The following GBP7 variants were observed in gnomAD, a reference collection of about 807,000 sequenced individuals.
GBP7 encodes guanylate-binding protein 7.
GBP7 carries 43 observed loss-of-function variants against 61.3 expected under a neutral mutation model. The observed-to-expected ratio is 0.70, with a 90% CI of 0.55 to 0.91. The LOEUF (loss-of-function observed/expected upper bound fraction) is 0.91, where lower values mean the gene tolerates loss of function less well. Ranked by LOEUF, GBP7 falls within the 40% of genes least tolerant of loss-of-function variation. The pLI is 0.00. For synonymous variants in GBP7, 267 were observed against 271.0 expected, an observed-to-expected ratio of 0.99 and a Z score of 0.14; for missense variants, 717 against 740.5, an observed-to-expected ratio of 0.97 and a Z score of 0.37.
intron 5 of GBP7, 72 bp downstream of exon 5, chr1:89,152,196 G>A (rs1682216855): frequency 3.0e-6 from 4 of 1,337,680 alleles, no homozygotes; most frequent in Non-Finnish European, 1.0e-6. Flanking sequence ...TTTGTGTCAG[G>A]TGTTGAACGG....
intron 3 of GBP7, among the ~76,000 whole-genome samples, chr1:89,156,364 A>G (rs1281137384): frequency 6.6e-6 from 1 of 152,204 alleles, no homozygotes; most frequent in East Asian, 1.9e-4. Flanking sequence ...TATTAACCTT[A>G]AATGTAAATG....
Position 89,137,626 on chromosome 1 carries a change from A to G in GBP7, c.1468+3920T>C, listed in dbSNP as rs1322381329. On this transcript the variant is annotated intron_variant, in intron 9 of 10. Transcript: ENST00000294671. ...TATTTCATGTTAAAATATCTCAACAAACTGGGCCTCAAAGGAACATACCTC... is the reference window on the plus strand; with the variant it reads ...TATTTCATGTTAAAATATCTCAACAGACTGGGCCTCAAAGGAACATACCTC... Among the ~76,000 whole-genome samples, 4 of 152,124 alleles carry G rather than the reference A, an allele frequency of 2.6e-5. No individual in the cohort carries two copies. The East Asian group carries it at 7.7e-4, about 29-fold the overall frequency.
Position 89,149,480 on chromosome 1 carries a change from C to G in GBP7, c.964G>C (p.Glu322Gln), listed in dbSNP as rs566187440. 23 of 1,614,190 alleles carry G rather than the reference C, an allele frequency of 1.4e-5. No individual in the cohort carries two copies. The highest frequency in any genetic ancestry group is 1.7e-4 in the Middle Eastern group (1 of 6,060). The change falls in exon 7 of 11, where the codon GAG becomes CAG. Residue 322 changes from glutamate to glutamine, a missense_variant. Glu to Gln is a conservative substitution (Grantham distance 29, BLOSUM62 2). Transcript: ENST00000294671. ...GCCCTCTGCACGGCTGCTGAGTTCT[C>G]ACACTGGGCCAGAACTGCCATTGCA... Reference protein sequence around the residue: ...ENAMAVLAQCENSAAVQRAAN... With the variant: ...ENAMAVLAQCQNSAAVQRAAN...
chr1:89,164,903 A>G (rs770787466), intron 2 of GBP7, 45 bp from the exon 3 acceptor site: 2 of 1,603,622 alleles, frequency 1.2e-6, no homozygotes, highest in Non-Finnish European at 1.7e-6. Flanking sequence ...AGCAGAATCC[A>G]GGCAGACAAG....
chr1:89,133,125 T>C, intron 10 of GBP7, 133 bp downstream of exon 10: 2 of 686,878 alleles, frequency 2.9e-6, no homozygotes, highest in South Asian at 1.8e-5. Flanking sequence ...AATTCATATG[T>C]ATTTGAAATT....
intron 3 of GBP7, among the ~76,000 whole-genome samples, chr1:89,159,197 A>C (rs1682379777): frequency 6.6e-6 from 1 of 152,190 alleles, no homozygotes; most frequent in African/African-American, 2.4e-5. Flanking sequence ...CTTACACCTT[A>C]TAAAAAAATT....
At chr1:89,147,433 T>C (rs193081286) in intron 8 of GBP7, 134 bp downstream of exon 8, 1 of 691,958 alleles carries the variant, frequency 1.4e-6, no homozygotes, top group East Asian at 2.5e-5. Flanking sequence ...GATTTTAAGA[T>C]TTAAAATATC....
At chr1:89,136,473 A>G (rs1681804702) in intron 9 of GBP7, among the ~76,000 whole-genome samples, 1 of 152,188 alleles carries the variant, frequency 6.6e-6, no homozygotes, top group African/African-American at 2.4e-5. Flanking sequence ...GTCAGACCAC[A>G]ATGCTGTAAA....
At chr1:89,169,234 C>T (rs1647532442) in intron 2 of GBP7, among the ~76,000 whole-genome samples, 1 of 152,072 alleles carries the variant, frequency 6.6e-6, no homozygotes, top group Admixed American at 6.6e-5. Context: ...ACCCTGTGAC[C>T]TTTGCTTGTG....
chr1:89,152,907 A>G, intron 3 of GBP7, 130 bp from the exon 4 acceptor site: 1 of 566,046 alleles, frequency 1.8e-6, no homozygotes, highest in Non-Finnish European at 2.9e-6. Context: ...TCTAAAGGAA[A>G]CACAAATGTA....
intron 1 of GBP7, among the ~76,000 whole-genome samples, chr1:89,173,229 A>C (rs1647653213): frequency 6.6e-6 from 1 of 152,050 alleles, no homozygotes. Flanking sequence ...CCAATATATC[A>C]CTCTAGGTGT....
At chr1:89,160,738 A>G (rs1014290391) in intron 3 of GBP7, among the ~76,000 whole-genome samples, 2 of 152,176 alleles carry the variant, frequency 1.3e-5, no homozygotes, top group African/African-American at 4.8e-5. Context: ...TTTCCTTTCC[A>G]AATGCTTAAA....
chr1:89,132,437 C>T lies in GBP7; in HGVS notation c.1663-34G>A, dbSNP rs1274114512. ...GTAAAAGAGCCTACTTTTGAAAATC[C>T]CCAATTTTTAAGAGACCGAGGTTTG... is the stretch of plus-strand genomic sequence containing the variant. On this transcript the variant is annotated intron_variant, in intron 10 of 10. Coordinates refer to ENST00000294671, the MANE Select transcript of GBP7 (RefSeq NM_207398.3). The T allele has an allele frequency of 3.9e-6, 6 of 1,530,708 alleles. No homozygotes were observed. The South Asian group carries it at 7.3e-5, about 19-fold the overall frequency. The allele number at this position is 1,530,708 out of a possible 1,614,324, so 94.8% of individuals were successfully genotyped here.
intron 2 of GBP7, among the ~76,000 whole-genome samples, chr1:89,169,927 T>G (rs2100661930): frequency 6.6e-6 from 1 of 152,344 alleles, no homozygotes; most frequent in African/African-American, 2.4e-5. Flanking sequence ...ATAGTTATAA[T>G]TTCATAATCA....
At chr1:89,139,097 A>C (rs967537859) in intron 9 of GBP7, among the ~76,000 whole-genome samples, 3 of 152,174 alleles carry the variant, frequency 2.0e-5, no homozygotes, top group African/African-American at 7.2e-5. Context: ...CAAAACAGAG[A>C]TATAGATCAA....
intron 3 of GBP7, among the ~76,000 whole-genome samples, chr1:89,155,675 T>C (rs1044502735): frequency 6.6e-6 from 1 of 151,954 alleles, no homozygotes; most frequent in African/African-American, 2.4e-5. Flanking sequence ...TAAAAAGAAA[T>C]GAACAAAGCC....
At position 89,152,789 on chromosome 1, in the gene GBP7, G is replaced by GAAAAA. The variant is rs10710842; in HGVS notation, c.319-17_319-13dup. 4.8e-6 allele frequency: 6 copies of GAAAAA among 1,247,714 alleles called. No homozygotes were observed. Among genetic ancestry groups the GAAAAA allele is most frequent in the South Asian group, 1.6e-5 (1 of 62,326 alleles). 77.3% of individuals were successfully genotyped at this position (1,247,714 alleles called of 1,614,324 possible). The stretch of plus-strand genomic sequence containing the variant: ...CTCTTAGGGTCACTCTAGTGTTAAA[G>GAAAAA]AAAAAAAAAAAAAAAATGGAAGCCA... On this transcript the variant is annotated splice_polypyrimidine_tract_variant and intron_variant, in intron 3 of 10. Transcript: ENST00000294671.
intron 2 of GBP7, among the ~76,000 whole-genome samples, chr1:89,167,710 C>CTTAA (rs1419062598): frequency 5.9e-5 from 9 of 152,176 alleles, no homozygotes; most frequent in African/African-American, 2.2e-4. Flanking sequence ...ATCTGCCACA[C>CTTAA]TTAAGAAAAT....
In GBP7 at chr1:89,150,587, G is replaced by A. The variant is rs1412242744; in HGVS notation, c.626-12C>T. 6.2e-7 allele frequency: 1 copy of A among 1,611,650 alleles called. No homozygotes were observed. The highest frequency in any genetic ancestry group is 1.7e-5 in the Admixed American group (1 of 59,596). ...TTGGGGATTCTTGCCTGCAGAATTA[G>A]TGAAAAAGTGACTACTGAAGAACAG... On this transcript the variant is annotated splice_polypyrimidine_tract_variant and intron_variant, in intron 5 of 10. Coordinates refer to ENST00000294671, the MANE Select transcript of GBP7 (RefSeq NM_207398.3).
Sources: allele counts gnomAD v4.1 joint callset (sites outside exome capture counted in the v4.1 genomes callset), GRCh38; gene constraint gnomAD v4.1.1; transcripts MANE v1.5; gene names NCBI Gene and HGNC (gene_info 2026-07-23, HGNC 2026-07-21).